Variants in WDPCP observed in about 807,000 individuals in gnomAD.
WDPCP encodes the protein WD repeat-containing and planar cell polarity effector protein fritz homolog.
Under a neutral mutation model 93.1 loss-of-function variants are expected in WDPCP, and 71 were observed. That is an observed-to-expected ratio of 0.76 (90% CI 0.63 to 0.93). The LOEUF is 0.93. WDPCP is among the 40% of genes least tolerant of loss of function. The pLI, the probability that WDPCP is intolerant of heterozygous loss-of-function variation, is 0.00. For synonymous variants in WDPCP, 315 were observed against 315.0 expected, an observed-to-expected ratio of 1.00 and a Z score of 0.00; for missense variants, 844 against 887.4, an observed-to-expected ratio of 0.95 and a Z score of 0.62.
intron 2 of WDPCP, among the ~76,000 whole-genome samples, chr2:63,690,946 TA>T (rs71925465): frequency 1.7e-3 from 251 of 151,506 alleles, no homozygotes; most frequent in African/African-American, 5.6e-3. Flanking sequence ...ATGGTAATAG[TA>T]AAAAAAAACC....
intron 10 of WDPCP, among the ~76,000 whole-genome samples, chr2:63,393,973 A>T (rs1693498663): frequency 1.3e-5 from 2 of 152,236 alleles, no homozygotes; most frequent in South Asian, 4.1e-4. Context: ...AAAACCCTGC[A>T]AGGTAACCTA....
At chr2:63,630,072 T>A (rs1326619219) in intron 3 of WDPCP, among the ~76,000 whole-genome samples, 1 of 151,916 alleles carries the variant, frequency 6.6e-6, no homozygotes, top group East Asian at 1.9e-4. Flanking sequence ...AAATGAAAAA[T>A]CAGAAAAGCT....
intron 14 of WDPCP, among the ~76,000 whole-genome samples, chr2:63,195,073 G>C (rs1675325307): frequency 6.6e-6 from 1 of 151,958 alleles, no homozygotes; most frequent in African/African-American, 2.4e-5. Context: ...GACTAGTCTT[G>C]ATTAAATGAC....
intron 14 of WDPCP, among the ~76,000 whole-genome samples, chr2:63,198,055 T>A (rs887475521): frequency 1.3e-5 from 2 of 152,172 alleles, no homozygotes; most frequent in Admixed American, 6.5e-5. Context: ...GACCTTTGTT[T>A]TCTTCTAGTA....
At chr2:63,448,551 G>C (rs773262053) in intron 6 of WDPCP, among the ~76,000 whole-genome samples, 3 of 152,056 alleles carry the variant, frequency 2.0e-5, no homozygotes, top group Non-Finnish European at 4.4e-5. Flanking sequence ...AAATCTCTTA[G>C]AGTGAGTACT....
chr2:63,713,221 AT>A (rs1669288775), intron 2 of WDPCP, among the ~76,000 whole-genome samples: 1 of 152,140 alleles, frequency 6.6e-6, no homozygotes, highest in African/African-American at 2.4e-5. Context: ...TACAGTTTTA[AT>A]TCCATCACAC....
intron 1 of WDPCP, among the ~76,000 whole-genome samples, chr2:63,550,727 A>G (rs1249847516): frequency 6.6e-6 from 1 of 151,062 alleles, no homozygotes; most frequent in Non-Finnish European, 1.5e-5. Context: ...ATATATATAC[A>G]TATATATGTG....
chr2:63,589,750 C>T (rs1449598678), upstream of WDPCP, among the ~76,000 whole-genome samples: 1 of 152,126 alleles, frequency 6.6e-6, no homozygotes, highest in Non-Finnish European at 1.5e-5. Context: ...CCTGGGTAAC[C>T]TGCATCTCCA....
chr2:63,760,244 G>A (rs981283614), intron 2 of WDPCP, among the ~76,000 whole-genome samples: 1 of 152,178 alleles, frequency 6.6e-6, no homozygotes, highest in Admixed American at 6.5e-5. Context: ...GAGGCCTTAT[G>A]AGACTGCATC....
intron 2 of WDPCP, among the ~76,000 whole-genome samples, chr2:63,729,771 C>A (rs1357349327): frequency 6.6e-6 from 1 of 152,060 alleles, no homozygotes; most frequent in Non-Finnish European, 1.5e-5. Context: ...TTTCTGCACA[C>A]TAGTTATGTT....
chr2:63,491,065 C>A (rs1032798861), intron 2 of WDPCP, among the ~76,000 whole-genome samples: 1 of 152,080 alleles, frequency 6.6e-6, no homozygotes, highest in Non-Finnish European at 1.5e-5. Flanking sequence ...TCTGAGATTT[C>A]TTTTACACTT....
chr2:63,597,148 G>C (rs1383720115), intron 3 of WDPCP: 1 of 391,962 alleles, frequency 2.6e-6, no homozygotes, highest in Non-Finnish European at 3.5e-6. Context: ...GATTATAAAA[G>C]ATAAAAGCTA....
At chr2:63,760,589 C>T (rs1670042224) in intron 2 of WDPCP, among the ~76,000 whole-genome samples, 1 of 151,760 alleles carries the variant, frequency 6.6e-6, no homozygotes, top group Admixed American at 6.6e-5. Context: ...ATTTTCCCCT[C>T]CTCCTAGGGT....
At chr2:63,355,235 A>C (rs535303793) in intron 12 of WDPCP, among the ~76,000 whole-genome samples, 2 of 152,336 alleles carry the variant, frequency 1.3e-5, no homozygotes, top group African/African-American at 4.8e-5. Context: ...CATCAGGCTA[A>C]GAGTGGACCT....
intron 15 of WDPCP, among the ~76,000 whole-genome samples, chr2:63,157,528 G>C (rs1559161939): frequency 6.6e-6 from 1 of 152,046 alleles, no homozygotes; most frequent in African/African-American, 2.4e-5. Flanking sequence ...CTTTTACAGA[G>C]TTTTTTGTTT....
intron 3 of WDPCP, among the ~76,000 whole-genome samples, 190 bp from the exon 4 acceptor site, chr2:63,486,776 T>A (rs1700597859): frequency 6.6e-6 from 1 of 151,944 alleles, no homozygotes; most frequent in Admixed American, 6.6e-5. Context: ...ATGTTTTCAT[T>A]TCATAGAGAT....
chr2:63,836,609 A>C, the WDPCP span, among the ~76,000 whole-genome samples: 55 of 152,246 alleles, frequency 3.6e-4, no homozygotes, highest in African/African-American at 1.2e-3. Context: ...GAATATAGGG[A>C]GTTTATTTAT....
chr2:63,414,472 TACAC>T (rs146569752), intron 9 of WDPCP, among the ~76,000 whole-genome samples: 94 of 148,886 alleles, frequency 6.3e-4, no homozygotes, highest in East Asian at 1.4e-3. Flanking sequence ...CACACACATA[TACAC>T]ACACACACAC....
intron 1 of WDPCP, among the ~76,000 whole-genome samples, chr2:63,579,770 TAGACAGAC>T (rs56398605): frequency 7.9e-5 from 12 of 151,260 alleles, no homozygotes; most frequent in Non-Finnish European, 1.0e-4. Context: ...GATACACAGA[TAGACAGAC>T]AGACAGACAG....
Sources: allele counts gnomAD v4.1 joint callset (sites outside exome capture counted in the v4.1 genomes callset), GRCh38; gene constraint gnomAD v4.1.1; transcripts MANE v1.5; gene names NCBI Gene and HGNC (gene_info 2026-07-23, HGNC 2026-07-21).